GNB4: variants seen among roughly 807,000 people sequenced by gnomAD.
GNB4 encodes the protein guanine nucleotide-binding protein subunit beta-4.
A neutral mutation model predicts 45.2 loss-of-function variants in GNB4; 28 were observed. The observed-to-expected ratio is 0.62, with a 90% CI of 0.46 to 0.85. GNB4 has a LOEUF of 0.85. Among genes scored for constraint, GNB4 ranks in the 40% least tolerant of loss-of-function variants. The probability of loss-of-function intolerance (pLI) is 0.00; values close to 1 mark genes in which losing one functional copy is unlikely to be tolerated. For synonymous variants in GNB4, 132 were observed against 143.7 expected, an observed-to-expected ratio of 0.92 and a Z score of 0.58; for missense variants, 321 against 425.4, an observed-to-expected ratio of 0.75 and a Z score of 2.16.
intron 1 of GNB4, among the ~76,000 whole-genome samples, chr3:179,443,459 A>G (rs1428905530): frequency 1.3e-5 from 2 of 152,042 alleles, no homozygotes; most frequent in Non-Finnish European, 2.9e-5. Context: ...GAATCTTTTG[A>G]GCCTGGGAGA....
the GNB4 span, among the ~76,000 whole-genome samples, chr3:179,502,130 C>A: frequency 6.6e-6 from 1 of 150,856 alleles, no homozygotes; most frequent in Non-Finnish European, 1.5e-5. Flanking sequence ...GTATTGTTTT[C>A]ATATTATTAA....
intron 4 of GNB4, among the ~76,000 whole-genome samples, chr3:179,417,450 C>G (rs1488092925): frequency 6.6e-6 from 1 of 151,148 alleles, no homozygotes; most frequent in Admixed American, 6.6e-5. Context: ...CTGTGACACC[C>G]AGGTTAGAGT....
At chr3:179,484,678 T>C in the GNB4 span, among the ~76,000 whole-genome samples, 1 of 152,176 alleles carries the variant, frequency 6.6e-6, no homozygotes, top group Non-Finnish European at 1.5e-5. Context: ...AAGGGTTGTT[T>C]AGGGTTCCTA....
intron 2 of GNB4, 53 bp from the exon 3 acceptor site, chr3:179,420,980 A>C: frequency 1.0e-6 from 1 of 980,362 alleles, no homozygotes; most frequent in Non-Finnish European, 1.6e-6. Context: ...GGAATGACTA[A>C]AGTGATACTT....
At chr3:179,456,106 ACT>A (rs945446691), upstream of GNB4, among the ~76,000 whole-genome samples, 1 of 137,932 alleles carries the variant, frequency 7.2e-6, no homozygotes, top group African/African-American at 2.8e-5. Context: ...AGGGACATAG[ACT>A]TTTTTTTTTT....
chr3:179,460,626 T>C, the GNB4 span, among the ~76,000 whole-genome samples: 1 of 151,998 alleles, frequency 6.6e-6, no homozygotes, highest in Non-Finnish European at 1.5e-5. Flanking sequence ...AAAACCAAAC[T>C]CTTACTCTTA....
chr3:179,472,855 A>G, the GNB4 span, among the ~76,000 whole-genome samples: 1 of 152,160 alleles, frequency 6.6e-6, no homozygotes, highest in African/African-American at 2.4e-5. Flanking sequence ...AGGACACCAA[A>G]TTCACTCTTT....
At chr3:179,504,623 A>T in the GNB4 span, among the ~76,000 whole-genome samples, 1 of 152,208 alleles carries the variant, frequency 6.6e-6, no homozygotes, top group Non-Finnish European at 1.5e-5. Flanking sequence ...TTTGGAGGAC[A>T]CAGAGACTAA....
intron 5 of GNB4, 45 bp from the exon 6 acceptor site, chr3:179,415,092 A>C (rs1244822633): frequency 3.5e-6 from 5 of 1,435,182 alleles, no homozygotes. Context: ...AAAAACAGTC[A>C]TCTATTGCAT....
At chr3:179,417,506 C>T (rs566484716) in intron 4 of GNB4, among the ~76,000 whole-genome samples, 1 of 151,572 alleles carries the variant, frequency 6.6e-6, no homozygotes, top group South Asian at 2.1e-4. Flanking sequence ...CTCTCAGGTT[C>T]AAGTGATTCT....
the GNB4 span, among the ~76,000 whole-genome samples, chr3:179,459,164 C>T: frequency 6.6e-6 from 1 of 152,200 alleles, no homozygotes; most frequent in African/African-American, 2.4e-5. Context: ...CCTCCTTACT[C>T]TTCCCAACCC....
chr3:179,527,210 G>T, the GNB4 span, among the ~76,000 whole-genome samples: 1 of 152,140 alleles, frequency 6.6e-6, no homozygotes, highest in African/African-American at 2.4e-5. Context: ...ATTCTTAGTT[G>T]TTCTCAGCCT....
the GNB4 span, among the ~76,000 whole-genome samples, chr3:179,468,035 A>AAATATATATATATATATATATATATATAT: frequency 2.8e-4 from 25 of 89,816 alleles, no homozygotes; most frequent in South Asian, 9.0e-4. Flanking sequence ...TGTTGATAAA[A>AAATATATATATATATATATATATATATAT]ATATATATAT....
chr3:179,517,376 GCTGA>G, the GNB4 span, among the ~76,000 whole-genome samples: 1 of 150,860 alleles, frequency 6.6e-6, no homozygotes, highest in African/African-American at 2.4e-5. Flanking sequence ...ATCTCCCTTC[GCTGA>G]CTGTCTTTTC....
At chr3:179,520,644 C>A in the GNB4 span, among the ~76,000 whole-genome samples, 1 of 152,166 alleles carries the variant, frequency 6.6e-6, no homozygotes, top group Non-Finnish European at 1.5e-5. Context: ...CTCCCCGGCT[C>A]CTTCAGCTGT....
the GNB4 span, among the ~76,000 whole-genome samples, chr3:179,503,691 T>G: frequency 1.3e-5 from 2 of 152,212 alleles, no homozygotes; most frequent in East Asian, 3.8e-4. Flanking sequence ...CAGCTCCCAG[T>G]GTTATCTAGT....
At chr3:179,427,274 G>A (rs1715174653) in intron 1 of GNB4, among the ~76,000 whole-genome samples, 1 of 151,898 alleles carries the variant, frequency 6.6e-6, no homozygotes, top group Non-Finnish European at 1.5e-5. Context: ...AACACCATCA[G>A]CATGTATTTA....
At chr3:179,473,289 A>AT in the GNB4 span, among the ~76,000 whole-genome samples, 69,869 of 151,642 alleles carry the variant, frequency 0.46, 18,136 homozygotes, top group East Asian at 0.91. Context: ...TACTGAAGGA[A>AT]TTTTTTTTTA....
chr3:179,485,381 C>T, the GNB4 span, among the ~76,000 whole-genome samples: 1 of 152,034 alleles, frequency 6.6e-6, no homozygotes, highest in African/African-American at 2.4e-5. Context: ...TAGTCTCTGC[C>T]CCTACAGAAT....
Sources: gnomAD v4.1 joint callset for allele counts (sites outside exome capture counted in the v4.1 genomes callset) on GRCh38, gnomAD v4.1.1 for gene constraint, MANE v1.5 for transcripts, NCBI Gene and HGNC (gene_info 2026-07-23, HGNC 2026-07-21) for gene names.